Variants in PTCHD1 observed in about 807,000 individuals in gnomAD.
PTCHD1 encodes the protein patched domain-containing protein 1.
Under a neutral mutation model 34.6 loss-of-function variants are expected in PTCHD1, and 3 were observed. That is an observed-to-expected ratio of 0.09 (90% CI 0.04 to 0.22). The LOEUF (loss-of-function observed/expected upper bound fraction) is 0.22, where lower values mean the gene tolerates loss of function less well. Ranked by LOEUF, PTCHD1 falls within the 10% of genes least tolerant of loss-of-function variation. The probability of loss-of-function intolerance (pLI) is 1.00; values close to 1 mark genes in which losing one functional copy is unlikely to be tolerated. For missense variants in PTCHD1, 504 were observed against 685.5 expected, an observed-to-expected ratio of 0.74 and a Z score of 2.96; for synonymous variants, 305 against 283.1, an observed-to-expected ratio of 1.08 and a Z score of -0.77.
At chrX:23,389,569 G>A (rs1922773955) in intron 2 of PTCHD1, among the ~76,000 whole-genome samples, 1 of 111,960 alleles carries the variant, frequency 8.9e-6, no homozygotes, top group South Asian at 3.7e-4. Flanking sequence ...GCTTGAGAAA[G>A]GAATCTGACC....
At position 23,402,305 on chromosome X, in the gene PTCHD1, GTC is replaced by G. The variant is rs112151556; in HGVS notation, c.*8137_*8138del. The G allele has an allele frequency of 1.5e-4, 16 of 108,504 alleles. No individual in the cohort carries two copies. Among genetic ancestry groups the G allele is most frequent in the East Asian group, 2.9e-4 (1 of 3,466 alleles). The allele number at this position is 108,504 out of a possible 1,213,427, so 8.9% of individuals were successfully genotyped here. A position where few individuals can be genotyped will look rare whatever the true frequency, so the allele number is the denominator to read the frequency against. On this transcript the variant is annotated 3_prime_UTR_variant, in exon 3 of 3. Transcript: ENST00000379361. ...CTTAGAAGCTTATACCAAACTCTCT[GTC>G]TCTCTCTCTCTCTCTCACACACACA...
chrX:23,365,190 C>T (rs1303337754), intron 1 of PTCHD1, among the ~76,000 whole-genome samples: 1 of 111,788 alleles, frequency 8.9e-6, no homozygotes. Flanking sequence ...CTGTGTTCAT[C>T]GTCATAAAAA....
intron 1 of PTCHD1, among the ~76,000 whole-genome samples, chrX:23,352,573 G>A (rs939575530): frequency 9.0e-6 from 1 of 111,407 alleles, no homozygotes; most frequent in African/African-American, 3.3e-5. Context: ...AGAGGGGACT[G>A]GAATGACCTA....
intron 1 of PTCHD1, among the ~76,000 whole-genome samples, chrX:23,378,047 C>T (rs778600513): frequency 8.9e-6 from 1 of 111,954 alleles, no homozygotes; most frequent in Non-Finnish European, 1.9e-5. Flanking sequence ...AGAGTCCACT[C>T]AGTGCTAAGC....
At position 23,392,296 on chromosome X, in the gene PTCHD1, G is replaced by A. The variant is rs763856357; in HGVS notation, c.1013-235G>A. The stretch of plus-strand genomic sequence containing the variant: ...AAGAAGAGAACTTTCTTAAGCCAGA[G>A]GGAATATGAAGATCTTTGCTTCTCT... On this transcript the variant is annotated intron_variant, in intron 2 of 2. Coordinates refer to ENST00000379361, the MANE Select transcript of PTCHD1 (RefSeq NM_173495.3). 4.6e-5 allele frequency among the ~76,000 whole-genome samples: 5 copies of A among 109,675 alleles called. No homozygotes were observed. In the South Asian group the frequency reaches 1.9e-3, roughly 43 times the overall value.
At chrX:23,335,441 C>G (rs1011717135) in intron 1 of PTCHD1, among the ~76,000 whole-genome samples, 3 of 113,168 alleles carry the variant, frequency 2.7e-5, no homozygotes, top group Admixed American at 9.2e-5. Flanking sequence ...GCCCGCGTCG[C>G]CTCTACCGCC....
chrX:23,342,336 A>C (rs1311132565), intron 1 of PTCHD1, among the ~76,000 whole-genome samples: 13 of 76,832 alleles, frequency 1.7e-4, no homozygotes, highest in African/African-American at 6.0e-4. Flanking sequence ...TTTTTTTAAA[A>C]GAATTGGGTA....
At chrX:23,346,535 T>A (rs1386670734) in intron 1 of PTCHD1, among the ~76,000 whole-genome samples, 1 of 111,893 alleles carries the variant, frequency 8.9e-6, no homozygotes, top group Non-Finnish European at 1.9e-5. Context: ...TGGTCAGAGA[T>A]GAATAATTTA....
rs6653680 is a variant in PTCHD1, at chrX:23,392,505, G to C, written c.1013-26G>C. The C allele has an allele frequency of 0.016, 15,937 of 1,004,863 alleles. 279 individuals are homozygous for C. Among genetic ancestry groups the C allele is most frequent in the East Asian group, 0.1 (3,308 of 32,765 alleles). The allele number at this position is 1,004,863 out of a possible 1,213,427, so 82.8% of individuals were successfully genotyped here. ...TAAGAGATTAGTTCTTTAAACTTCT[G>C]CTCTGGTCTTTTTCTGCCCTCTTAG... On this transcript the variant is annotated intron_variant, in intron 2 of 2. Coordinates refer to ENST00000379361, the MANE Select transcript of PTCHD1 (RefSeq NM_173495.3).
intron 1 of PTCHD1, among the ~76,000 whole-genome samples, chrX:23,345,142 G>A (rs1921441987): frequency 1.8e-5 from 2 of 111,835 alleles, no homozygotes; most frequent in African/African-American, 6.5e-5. Context: ...TTAGAAAATT[G>A]CTTTTTATAG....
chrX:23,377,576 GT>G (rs1569139423), intron 1 of PTCHD1, among the ~76,000 whole-genome samples: 2,721 of 30,372 alleles, frequency 0.09, 56 homozygotes, highest in East Asian at 0.27. Flanking sequence ...CCTCCTAGGG[GT>G]GTGTGTGTGT....
At chrX:23,380,719 C>T (rs1918551) in intron 2 of PTCHD1, among the ~76,000 whole-genome samples, 1,694 of 111,564 alleles carry the variant, frequency 0.015, 30 homozygotes, top group African/African-American at 0.052. Context: ...CTGCCGGTTG[C>T]TGTGGGCACC....
At chrX:23,345,459 G>A (rs1484782997) in intron 1 of PTCHD1, among the ~76,000 whole-genome samples, 5 of 112,040 alleles carry the variant, frequency 4.5e-5, no homozygotes, top group Non-Finnish European at 9.4e-5. Flanking sequence ...GTGGATCTAA[G>A]GAACCTTGCT....
chrX:23,374,560 G>A (rs1315192445), intron 1 of PTCHD1, among the ~76,000 whole-genome samples: 1 of 109,591 alleles, frequency 9.1e-6, no homozygotes, highest in Non-Finnish European at 1.9e-5. Flanking sequence ...GATTATAAGA[G>A]CCAACGCCTC....
chrX:23,343,990 T>C (rs888002179), intron 1 of PTCHD1, among the ~76,000 whole-genome samples: 7 of 112,587 alleles, frequency 6.2e-5, no homozygotes, highest in Non-Finnish European at 1.3e-4. Flanking sequence ...ATTGTTTGAT[T>C]GCTCTCAGAC....
At chrX:23,368,125 TAA>T (rs397896949) in intron 1 of PTCHD1, among the ~76,000 whole-genome samples, 21 of 93,286 alleles carry the variant, frequency 2.3e-4, no homozygotes, top group African/African-American at 6.9e-4. Context: ...CTTCTGTATT[TAA>T]AAAAAAAAAA....
intron 2 of PTCHD1, among the ~76,000 whole-genome samples, chrX:23,389,726 AGAACTAAG>A (rs1192202577): frequency 8.9e-6 from 1 of 111,927 alleles, no homozygotes; most frequent in African/African-American, 3.2e-5. Context: ...GCAAGAAGGA[AGAACTAAG>A]GAAAGGCATC....
At chrX:23,384,884 G>A (rs750367785) in intron 2 of PTCHD1, among the ~76,000 whole-genome samples, 1 of 111,727 alleles carries the variant, frequency 9.0e-6, no homozygotes, top group Admixed American at 9.5e-5. Flanking sequence ...TGGTAATTTT[G>A]TGTGGTTCAG....
chrX:23,341,087 T>A (rs1921296908), intron 1 of PTCHD1, among the ~76,000 whole-genome samples: 1 of 112,273 alleles, frequency 8.9e-6, no homozygotes, highest in Admixed American at 9.4e-5. Flanking sequence ...CATTTAGATT[T>A]GGGGAGCAGT....
Sources: gnomAD v4.1 joint callset for allele counts (sites outside exome capture counted in the v4.1 genomes callset) on GRCh38, gnomAD v4.1.1 for gene constraint, MANE v1.5 for transcripts, NCBI Gene and HGNC (gene_info 2026-07-23, HGNC 2026-07-21) for gene names.